Variants in NTF3 observed in about 807,000 individuals in gnomAD.
NTF3 encodes the protein neurotrophin-3.
In NTF3, 8 loss-of-function variants were observed where a neutral mutation model predicts 26.3. The observed-to-expected ratio is 0.30, with a 90% CI of 0.18 to 0.55. The LOEUF (loss-of-function observed/expected upper bound fraction) is 0.55. NTF3 is among the 20% of genes least tolerant of loss of function. The pLI is 0.93. For synonymous variants in NTF3, 154 were observed against 145.5 expected (o/e 1.06, Z -0.42); for missense variants, 276 against 352.9 (o/e 0.78, Z 1.75).
At chr12:5,484,683 G>A (rs1940846591) in intron 1 of NTF3, among the ~76,000 whole-genome samples, 1 of 152,180 alleles carries the variant, frequency 6.6e-6, no homozygotes, top group African/African-American at 2.4e-5. Context: ...AAACGTGCGG[G>A]TCCTTTTTTT....
intron 1 of NTF3, among the ~76,000 whole-genome samples, chr12:5,489,538 G>A (rs933471129): frequency 3.3e-5 from 5 of 152,176 alleles, no homozygotes; most frequent in Non-Finnish European, 5.9e-5. Context: ...CGTACTTCAG[G>A]ATGGTTGTTA....
chr12:5,494,629 T>A lies in NTF3; in HGVS notation c.454T>A (p.Tyr152Asn), dbSNP rs747612762. 4 of 1,614,002 alleles carry A rather than the reference T, an allele frequency of 2.5e-6. No homozygotes were observed. In the South Asian group the frequency reaches 3.3e-5, roughly 13 times the overall value. ...GAACAGAACATCACGGCGGAAACGG[T>A]ACGCGGAGCATAAGAGTCACCGAGG... ...VANRTSRRKR[Y>N]AEHKSHRGEY... The change falls in exon 2 of 2, where the codon TAC becomes AAC. Residue 152 changes from tyrosine (Y) to asparagine (N), a missense_variant. Physicochemically the swap from Tyr to Asn is moderately radical, Grantham distance 143. Around this residue, in one of 3 missense-constraint regions of NTF3, gnomAD observed 221 missense variants for 258.2 expected, o/e 0.86. Coordinates refer to ENST00000423158, the MANE Select transcript of NTF3 (RefSeq NM_001102654.2). The surrounding 1 kb of genome is among the most constrained non-coding windows in gnomAD (Gnocchi z 8.3).
chr12:5,474,298 T>C (rs934386661), intron 1 of NTF3, among the ~76,000 whole-genome samples: 2 of 152,024 alleles, frequency 1.3e-5, no homozygotes, highest in African/African-American at 4.8e-5. Context: ...AGAAAAAGGA[T>C]GGTTGTAAAA....
At chr12:5,490,211 C>T (rs1327410612) in intron 1 of NTF3, among the ~76,000 whole-genome samples, 2 of 152,168 alleles carry the variant, frequency 1.3e-5, no homozygotes, top group African/African-American at 2.4e-5. Flanking sequence ...CTTCCAAAAC[C>T]AGGCTTGGCA....
chr12:5,459,849 A>G (rs138619513), intron 1 of NTF3, among the ~76,000 whole-genome samples: 3 of 152,214 alleles, frequency 2.0e-5, no homozygotes, highest in African/African-American at 7.2e-5. Flanking sequence ...TCATGCCTTT[A>G]AGTCTGACAT....
intron 1 of NTF3, among the ~76,000 whole-genome samples, chr12:5,484,610 A>C (rs1940845645): frequency 6.6e-6 from 1 of 152,226 alleles, no homozygotes; most frequent in Admixed American, 6.5e-5. Context: ...TCATAAAACA[A>C]TTAATTCCCC....
chr12:5,459,343 T>G (rs1940495817), intron 1 of NTF3, among the ~76,000 whole-genome samples: 1 of 152,164 alleles, frequency 6.6e-6, no homozygotes, highest in Non-Finnish European at 1.5e-5. Flanking sequence ...AAAAGAGGGC[T>G]TGGGAAGCTC....
intron 1 of NTF3, among the ~76,000 whole-genome samples, chr12:5,479,707 C>T (rs1940764129): frequency 6.6e-6 from 1 of 152,174 alleles, no homozygotes; most frequent in Admixed American, 6.5e-5. Flanking sequence ...TCCATCTCTC[C>T]CCAAAAAGCT....
At chr12:5,481,897 AC>A (rs1386684664) in intron 1 of NTF3, among the ~76,000 whole-genome samples, 1 of 151,426 alleles carries the variant, frequency 6.6e-6, no homozygotes, top group Non-Finnish European at 1.5e-5. Context: ...CATATACACA[AC>A]ACACAGACAC....
intron 1 of NTF3, among the ~76,000 whole-genome samples, chr12:5,477,365 A>G (rs936397579): frequency 2.6e-5 from 4 of 152,246 alleles, no homozygotes; most frequent in Non-Finnish European, 5.9e-5. Context: ...CTGAAAACCC[A>G]GAGTCGTTTC....
chr12:5,493,075 G>A (rs1446772256), intron 1 of NTF3, among the ~76,000 whole-genome samples: 2 of 152,168 alleles, frequency 1.3e-5, no homozygotes, highest in Non-Finnish European at 2.9e-5. Context: ...GGAGGTGGAC[G>A]AATTCGGGGA....
chr12:5,486,052 C>T (rs1940862407), intron 1 of NTF3, among the ~76,000 whole-genome samples: 1 of 152,150 alleles, frequency 6.6e-6, no homozygotes, highest in South Asian at 2.1e-4. Flanking sequence ...TCAATATAGC[C>T]GCAGACCGCC....
chr12:5,473,692 T>C (rs192000445), intron 1 of NTF3, among the ~76,000 whole-genome samples: 39 of 152,362 alleles, frequency 2.6e-4, no homozygotes, highest in Non-Finnish European at 1.0e-4. Flanking sequence ...CTTACCATCC[T>C]AGTGCAGCTA....
intron 1 of NTF3, among the ~76,000 whole-genome samples, chr12:5,441,537 C>A (rs1940236509): frequency 6.6e-6 from 1 of 152,212 alleles, no homozygotes; most frequent in South Asian, 2.1e-4. Flanking sequence ...CCTAAGGCTC[C>A]CTTCCCAGCC....
At chr12:5,463,905 T>C (rs1940554369) in intron 1 of NTF3, among the ~76,000 whole-genome samples, 2 of 152,210 alleles carry the variant, frequency 1.3e-5, no homozygotes, top group African/African-American at 4.8e-5. Context: ...CTTGGCATAA[T>C]AACGAAATAA....
chr12:5,465,449 G>C (rs1940577701), intron 1 of NTF3, among the ~76,000 whole-genome samples: 1 of 152,238 alleles, frequency 6.6e-6, no homozygotes, highest in African/African-American at 2.4e-5. Context: ...AGAGAAGGTA[G>C]TTTATTCCCC....
chr12:5,431,945 G>A (rs531254051), upstream of NTF3, among the ~76,000 whole-genome samples: 13 of 148,036 alleles, frequency 8.8e-5, no homozygotes, highest in African/African-American at 2.9e-4. Flanking sequence ...CCCCGCCACG[G>A]GTCCCGAAGT....
chr12:5,431,569 G>A (rs1940086810), upstream of NTF3, among the ~76,000 whole-genome samples: 1 of 151,902 alleles, frequency 6.6e-6, no homozygotes, highest in South Asian at 2.1e-4. Context: ...GTGGCGGGTG[G>A]GCTTGGTAGG....
At position 5,446,419 on chromosome 12, in the gene NTF3, C is replaced by T. The variant is rs547152690; in HGVS notation, c.18+14077C>T. 3.3e-5 allele frequency among the ~76,000 whole-genome samples: 5 copies of T among 152,290 alleles called. No homozygotes were observed. The East Asian group carries it at 9.6e-4, about 29-fold the overall frequency. The stretch of plus-strand genomic sequence containing the variant: ...GGCTGCTGATTTCTGGCACTGATGG[C>T]TCAATGGGAAGGAAAGCGCCTATCC... On this transcript the variant is annotated intron_variant, in intron 1 of 1. Transcript: ENST00000423158.
Sources: allele counts gnomAD v4.1 joint callset (sites outside exome capture counted in the v4.1 genomes callset), GRCh38; gene constraint gnomAD v4.1.1; regional missense constraint gnomAD v4.1.1; non-coding constraint Gnocchi (gnomAD v3.1); transcripts MANE v1.5; gene names NCBI Gene and HGNC (gene_info 2026-07-23, HGNC 2026-07-21).